Variants in SH3GL1 observed in about 807,000 individuals in gnomAD.
SH3GL1 encodes SH3 domain containing GRB2 like 1, endophilin A2, also known as endophilin-A2.
SH3GL1 carries 21 observed loss-of-function variants against 48.8 expected under a neutral mutation model. That is an observed-to-expected ratio of 0.43 (90% CI 0.30 to 0.62). SH3GL1 has a LOEUF of 0.62. Ranked by LOEUF, SH3GL1 falls within the 20% of genes least tolerant of loss-of-function variation. SH3GL1 has a pLI of 0.11. For missense variants in SH3GL1, 454 were observed against 503.0 expected, an observed-to-expected ratio of 0.90 and a Z score of 0.93; for synonymous variants, 282 against 217.5, an observed-to-expected ratio of 1.30 and a Z score of -2.61.
At chr19:4,375,370 G>C (rs1972986696) in intron 1 of SH3GL1, among the ~76,000 whole-genome samples, 1 of 152,252 alleles carries the variant, frequency 6.6e-6, no homozygotes, top group Non-Finnish European at 1.5e-5. Context: ...CCCCACTGCA[G>C]GCCCCACCAA....
chr19:4,399,319 C>CAAA (rs58263818), intron 1 of SH3GL1, among the ~76,000 whole-genome samples: 989 of 49,244 alleles, frequency 0.02, 91 homozygotes, highest in African/African-American at 0.027. Flanking sequence ...GACTCCCTCT[C>CAAA]AAAAAAAAAA....
intron 1 of SH3GL1, among the ~76,000 whole-genome samples, chr19:4,385,474 C>T (rs1025912915): frequency 3.9e-5 from 6 of 152,190 alleles, no homozygotes; most frequent in Non-Finnish European, 7.3e-5. Flanking sequence ...CTCTGACAGC[C>T]GAGTGGACTC....
At chr19:4,378,486 G>A (rs1287851756) in intron 1 of SH3GL1, among the ~76,000 whole-genome samples, 2 of 152,034 alleles carry the variant, frequency 1.3e-5, no homozygotes, top group East Asian at 1.9e-4. Flanking sequence ...AAACCGAGAC[G>A]GGCAGATCAC....
At chr19:4,374,635 T>G (rs1240208378) in intron 1 of SH3GL1, among the ~76,000 whole-genome samples, 3 of 152,238 alleles carry the variant, frequency 2.0e-5, no homozygotes, top group Non-Finnish European at 4.4e-5. Context: ...CTCCTGGCCC[T>G]CGTCTGCATT....
At chr19:4,392,240 C>T (rs376334803) in intron 1 of SH3GL1, among the ~76,000 whole-genome samples, 28 of 152,308 alleles carry the variant, frequency 1.8e-4, no homozygotes, top group East Asian at 1.2e-3. Flanking sequence ...ATTTTTGTAT[C>T]TTAAGATTAT....
At chr19:4,384,071 T>G (rs1460124594) in intron 1 of SH3GL1, among the ~76,000 whole-genome samples, 1 of 152,246 alleles carries the variant, frequency 6.6e-6, no homozygotes, top group Non-Finnish European at 1.5e-5. Flanking sequence ...TGGCCCAAGC[T>G]GCCCTCTGCG....
Position 4,361,659 on chromosome 19 carries a change from C to A in SH3GL1, c.1048G>T (p.Gly350Cys), listed in dbSNP as rs150388848. 1 of 1,611,744 alleles carries A rather than the reference C, an allele frequency of 6.2e-7. No homozygotes were observed. The highest frequency in any genetic ancestry group is 1.3e-5 in the African/African-American group (1 of 75,032). Reference protein sequence around the residue: ...DENWYEGMLDGQSGFFPLSYV... With the variant: ...DENWYEGMLDCQSGFFPLSYV... The stretch of plus-strand genomic sequence containing the variant: ...CTGAGCGGGAAGAAGCCCGACTGGC[C>A]GTCCAGCATGCCCTCGTACCAGTTC... The change falls in exon 10 of 10, where the codon GGC becomes TGC. Residue 350 changes from glycine to cysteine, a missense_variant. By Grantham distance (159) the Gly-to-Cys change is radical (BLOSUM62 -3). Around this residue, in one of 2 missense-constraint regions of SH3GL1, gnomAD observed 278 missense variants for 246.8 expected, o/e 1.13. Coordinates refer to ENST00000269886, the MANE Select transcript of SH3GL1 (RefSeq NM_003025.4).
chr19:4,360,751 T>C lies in SH3GL1; in HGVS notation c.*849A>G, dbSNP rs2144849928. The C allele has an allele frequency of 8.6e-6, 2 of 233,432 alleles. No individual in the cohort carries two copies. The highest frequency in any genetic ancestry group is 2.5e-3 in the Middle Eastern group (2 of 794). 14.5% of individuals were successfully genotyped at this position (233,432 alleles called of 1,614,324 possible). A position where few individuals can be genotyped will look rare whatever the true frequency, so the allele number is the denominator to read the frequency against. ...TGGGACATGCGCTCACTGGAACCTT[T>C]GTGCTTGGCCCTCGGCAGCGCGGCT... On this transcript the variant is annotated 3_prime_UTR_variant, in exon 10 of 10. Coordinates refer to ENST00000269886, the MANE Select transcript of SH3GL1 (RefSeq NM_003025.4).
At chr19:4,397,702 T>C (rs1344023034) in intron 1 of SH3GL1, among the ~76,000 whole-genome samples, 2 of 152,164 alleles carry the variant, frequency 1.3e-5, no homozygotes, top group African/African-American at 4.8e-5. Flanking sequence ...GATTTCAAAG[T>C]GCTGGGGCAA....
chr19:4,363,052 C>T (rs929969081), intron 7 of SH3GL1, among the ~76,000 whole-genome samples: 23 of 152,308 alleles, frequency 1.5e-4, no homozygotes, highest in Non-Finnish European at 2.8e-4. Context: ...GCCCCACATA[C>T]GCCAAGGCCC....
intron 1 of SH3GL1, among the ~76,000 whole-genome samples, chr19:4,374,101 G>A (rs1972958528): frequency 6.6e-6 from 1 of 152,210 alleles, no homozygotes; most frequent in African/African-American, 2.4e-5. Context: ...CACAGCACAT[G>A]AAAATGAGGG....
intron 9 of SH3GL1, 94 bp downstream of exon 9, chr19:4,362,235 T>C (rs902113582): frequency 2.3e-6 from 3 of 1,293,610 alleles, no homozygotes; most frequent in African/African-American, 1.5e-5. Flanking sequence ...CCTCCCTGCT[T>C]GAGATGGGCA....
chr19:4,400,493 C>A lies in SH3GL1; in HGVS notation c.-125G>T. On this transcript the variant is annotated 5_prime_UTR_variant, in exon 1 of 10. Transcript: ENST00000269886. This position sits in a 1 kb window ranked among gnomAD's most constrained non-coding sequence, Gnocchi z 4.1. ...GCCTCCGCCACCCGCTTGCCAGCTC[C>A]GCGCCCGCCCCGGCGCCGCCTCAGC... is the stretch of plus-strand genomic sequence containing the variant. The A allele has an allele frequency of 1.2e-6, 1 of 813,856 alleles. No individual in the cohort carries two copies. Among genetic ancestry groups the A allele is most frequent in the Non-Finnish European group, 1.5e-6 (1 of 650,384 alleles). The allele number at this position is 813,856 out of a possible 1,614,324, so 50.4% of individuals were successfully genotyped here.
At chr19:4,385,847 G>A (rs180922073) in intron 1 of SH3GL1, among the ~76,000 whole-genome samples, 1 of 152,210 alleles carries the variant, frequency 6.6e-6, no homozygotes, top group Admixed American at 6.5e-5. Flanking sequence ...GCAGTGGGCA[G>A]CACATACCTC....
At chr19:4,364,014 G>A (rs1972701838) in intron 5 of SH3GL1, 74 bp downstream of exon 5, 9 of 1,606,274 alleles carry the variant, frequency 5.6e-6, no homozygotes, top group Non-Finnish European at 7.7e-6. Context: ...GGCTGGAGGT[G>A]AGGGTGGCAG....
chr19:4,389,140 G>C lies in SH3GL1; in HGVS notation c.45+11184C>G, dbSNP rs57007612. On this transcript the variant is annotated intron_variant, in intron 1 of 9. Transcript: ENST00000269886. This position sits in a 1 kb window ranked among gnomAD's most constrained non-coding sequence, Gnocchi z 4.5. ...AGCCCTCTAGCTCAGCCTCTGTAGG[G>C]GGCGTCTCTGGCAACCTCATCAGCA... is the stretch of plus-strand genomic sequence containing the variant. Among the ~76,000 whole-genome samples the C allele has an allele frequency of 0.024, 3,705 of 152,262 alleles. 144 individuals carry two copies. Among genetic ancestry groups the C allele is most frequent in the African/African-American group, 0.085 (3,539 of 41,532 alleles).
intron 1 of SH3GL1, among the ~76,000 whole-genome samples, chr19:4,392,541 C>A (rs983976112): frequency 4.7e-5 from 7 of 150,192 alleles, no homozygotes; most frequent in African/African-American, 1.7e-4. Flanking sequence ...CACACACACA[C>A]ACACACACAC....
At chr19:4,368,608 G>T (rs1200777325) in intron 1 of SH3GL1, among the ~76,000 whole-genome samples, 3 of 152,250 alleles carry the variant, frequency 2.0e-5, no homozygotes, top group Admixed American at 6.5e-5. Flanking sequence ...CCACACCACG[G>T]GACTGTCCTC....
At chr19:4,368,669 G>A (rs1007582329) in intron 1 of SH3GL1, among the ~76,000 whole-genome samples, 3 of 152,196 alleles carry the variant, frequency 2.0e-5, no homozygotes, top group African/African-American at 7.2e-5. Flanking sequence ...TGCGGGGTGT[G>A]CCGGGCATTC....
Sources: allele counts gnomAD v4.1 joint callset (sites outside exome capture counted in the v4.1 genomes callset), GRCh38; gene constraint gnomAD v4.1.1; regional missense constraint gnomAD v4.1.1; non-coding constraint Gnocchi (gnomAD v3.1); transcripts MANE v1.5; gene names NCBI Gene and HGNC (gene_info 2026-07-23, HGNC 2026-07-21).